MTNAP1: variants seen among roughly 807,000 people sequenced by gnomAD.
MTNAP1 encodes mitochondrial nucleoid-associated protein 1.
the MTNAP1 span, among the ~76,000 whole-genome samples, chr17:73,234,195 C>A: frequency 6.6e-6 from 1 of 151,816 alleles, no homozygotes; most frequent in Non-Finnish European, 1.5e-5. Flanking sequence ...TGTTTCCTGC[C>A]CTCTGGAACT....
At chr17:73,245,714 A>G in the MTNAP1 span, 3 of 985,464 alleles carry the variant, frequency 3.0e-6, no homozygotes, top group South Asian at 1.4e-4. Context: ...AAGGATGGGC[A>G]TTCGAGTTGC....
At chr17:73,245,183 G>GT in the MTNAP1 span, 5 of 1,573,210 alleles carry the variant, frequency 3.2e-6, no homozygotes, top group Non-Finnish European at 4.4e-6. Context: ...CAGCGGTGGC[G>GT]TAAGTAGTGT....
the MTNAP1 span, among the ~76,000 whole-genome samples, chr17:73,234,890 T>G: frequency 6.6e-5 from 10 of 151,860 alleles, no homozygotes; most frequent in African/African-American, 2.4e-4. Context: ...ATATTCTATT[T>G]ATCACTTTGG....
chr17:73,246,713 A>T, the MTNAP1 span, among the ~76,000 whole-genome samples: 3 of 152,160 alleles, frequency 2.0e-5, no homozygotes, highest in Non-Finnish European at 4.4e-5. Context: ...ACAAATTCTC[A>T]TAGTTAAGGT....
chr17:73,232,905 A>G, the MTNAP1 span: 2 of 152,340 alleles, frequency 1.3e-5, no homozygotes, highest in African/African-American at 2.4e-5. Flanking sequence ...TCCCTGACCC[A>G]GGAGCTGCCG....
At chr17:73,247,201 C>T in the MTNAP1 span, 10 of 1,576,748 alleles carry the variant, frequency 6.3e-6, no homozygotes, top group Non-Finnish European at 8.7e-6. Flanking sequence ...AAACCATATG[C>T]CCTGAAAAGC....
chr17:73,235,660 A>G, the MTNAP1 span: 1 of 1,614,226 alleles, frequency 6.2e-7, no homozygotes, highest in Non-Finnish European at 8.5e-7. Flanking sequence ...AGGACCAATC[A>G]AAGATTTAAT....
At chr17:73,236,825 C>A in the MTNAP1 span, 4 of 1,613,906 alleles carry the variant, frequency 2.5e-6, no homozygotes, top group Non-Finnish European at 3.4e-6. Context: ...ACCAATCATG[C>A]TGCAGCTGCT....
the MTNAP1 span, among the ~76,000 whole-genome samples, chr17:73,245,927 G>T: frequency 6.6e-6 from 1 of 152,108 alleles, no homozygotes; most frequent in Non-Finnish European, 1.5e-5. Context: ...GCATTACTGA[G>T]AAATTCCTCT....
At chr17:73,238,261 A>ATTGTAAAGTAGCATACCTGTCGT in the MTNAP1 span, among the ~76,000 whole-genome samples, 161 of 151,980 alleles carry the variant, frequency 1.1e-3, no homozygotes, top group South Asian at 5.0e-3. Context: ...GGGCAGGGTG[A>ATTGTAAAGTAGCATACCTGTCGT]TTGTAAAGTA....
At chr17:73,232,560 G>C in the MTNAP1 span, 20 of 421,862 alleles carry the variant, frequency 4.7e-5, no homozygotes, top group Non-Finnish European at 7.1e-5. Context: ...ACAAGTATTT[G>C]AGTTGAATCC....
At chr17:73,238,937 T>TGTGTG in the MTNAP1 span, among the ~76,000 whole-genome samples, 1 of 103,940 alleles carries the variant, frequency 9.6e-6, no homozygotes, top group Non-Finnish European at 2.1e-5. Flanking sequence ...GTGTGTGTGT[T>TGTGTG]TTGTTTTTTT....
the MTNAP1 span, chr17:73,247,341 G>A: frequency 2.5e-6 from 4 of 1,613,990 alleles, no homozygotes; most frequent in Admixed American, 3.3e-5. Flanking sequence ...GTTTGGATTA[G>A]GAAGCACGTT....
At chr17:73,245,201 G>C in the MTNAP1 span, 2 of 1,613,562 alleles carry the variant, frequency 1.2e-6, no homozygotes, top group Non-Finnish European at 1.7e-6. Flanking sequence ...TGTTGACCTG[G>C]ACATCACTTA....
the MTNAP1 span, chr17:73,245,272 A>T: frequency 6.5e-7 from 1 of 1,539,694 alleles, no homozygotes; most frequent in Non-Finnish European, 8.8e-7. Context: ...TTAACAGTTT[A>T]AAAATGTATA....
the MTNAP1 span, chr17:73,248,313 G>T: frequency 1.6e-6 from 1 of 610,610 alleles, no homozygotes. Context: ...GTGTGAGGCG[G>T]GGTAACTACT....
chr17:73,242,857 C>A, the MTNAP1 span: 1 of 1,543,134 alleles, frequency 6.5e-7, no homozygotes, highest in Non-Finnish European at 8.9e-7. Context: ...GCCCTAGTTT[C>A]AGTTGCTGTA....
chr17:73,237,217 C>T, the MTNAP1 span, among the ~76,000 whole-genome samples: 1 of 152,162 alleles, frequency 6.6e-6, no homozygotes, highest in East Asian at 1.9e-4. Context: ...GCAGGTGGAT[C>T]ACTTGAATTC....
At chr17:73,240,244 G>A in the MTNAP1 span, among the ~76,000 whole-genome samples, 1 of 152,220 alleles carries the variant, frequency 6.6e-6, no homozygotes, top group Non-Finnish European at 1.5e-5. Context: ...CTCATAGTCT[G>A]TAACTAATAA....
Sources: gnomAD v4.1 joint callset for allele counts (sites outside exome capture counted in the v4.1 genomes callset) on GRCh38, gnomAD v4.1.1 for gene constraint, MANE v1.5 for transcripts, NCBI Gene and HGNC (gene_info 2026-07-23, HGNC 2026-07-21) for gene names.